Variants in HIPK3 observed in about 807,000 individuals in gnomAD.
HIPK3 encodes the protein homeodomain-interacting protein kinase 3.
A neutral mutation model predicts 124.2 loss-of-function variants in HIPK3; 47 were observed. The observed-to-expected ratio is 0.38, with a 90% CI of 0.30 to 0.48. HIPK3 has a LOEUF of 0.48. HIPK3 is among the 20% of genes least tolerant of loss of function. The pLI is 0.98. For missense variants in HIPK3, 1,286 were observed against 1,454.3 expected (o/e 0.88, Z 1.88); for synonymous variants, 482 against 515.2 (o/e 0.94, Z 0.87).
intron 1 of HIPK3, among the ~76,000 whole-genome samples, chr11:33,266,246 T>G (rs1327079912): frequency 1.3e-5 from 2 of 151,692 alleles, no homozygotes; most frequent in African/African-American, 4.8e-5. Flanking sequence ...TGCACCTAAG[T>G]TAGAAAAACA....
Position 33,337,619 on chromosome 11 carries a change from G to A in HIPK3, c.1341+425G>A, listed in dbSNP as rs921928521. Reference sequence around the variant, plus strand: ...GAACTGCCCACCTCCGCCTCCCAACGTGCTAGGATTACAGGCGTGATCCAC... The same window carrying A: ...GAACTGCCCACCTCCGCCTCCCAACATGCTAGGATTACAGGCGTGATCCAC... On this transcript the variant is annotated intron_variant, in intron 4 of 16. Transcript: ENST00000303296. Among the ~76,000 whole-genome samples, 9 of 151,104 alleles carry A rather than the reference G, an allele frequency of 6.0e-5. 1 individual carries two copies. The highest frequency in any genetic ancestry group is 1.0e-4 in the Non-Finnish European group (7 of 67,846).
At position 33,287,318 on chromosome 11, in the gene HIPK3, A is replaced by T; in HGVS notation, c.904A>T (p.Ile302Phe). 6.2e-7 allele frequency: 1 copy of T among 1,614,192 alleles called. No individual in the cohort carries two copies. Among genetic ancestry groups the T allele is most frequent in the Non-Finnish European group, 8.5e-7 (1 of 1,180,020 alleles). ...SPLPLKVIRP[I>F]LQQVATALKK... Reference sequence around the variant, plus strand: ...CCTGCCACTAAAAGTGATTCGGCCCATTCTTCAACAAGTGGCCACTGCACT... The same window carrying T: ...CCTGCCACTAAAAGTGATTCGGCCCTTTCTTCAACAAGTGGCCACTGCACT... The change falls in exon 2 of 17, where the codon ATT becomes TTT. Residue 302 changes from isoleucine to phenylalanine, a missense_variant. Coordinates refer to ENST00000303296, the MANE Select transcript of HIPK3 (RefSeq NM_005734.5).
intron 2 of HIPK3, among the ~76,000 whole-genome samples, chr11:33,312,967 A>T (rs566084189): frequency 6.6e-6 from 1 of 152,228 alleles, no homozygotes; most frequent in Admixed American, 6.5e-5. Context: ...TTAGTTCTCT[A>T]TTACTCCAAA....
At chr11:33,339,788 A>G (rs1190657468) in intron 6 of HIPK3, among the ~76,000 whole-genome samples, 2 of 152,336 alleles carry the variant, frequency 1.3e-5, no homozygotes, top group South Asian at 4.1e-4. Flanking sequence ...TTTATTATAC[A>G]TGACTTTCTT....
At chr11:33,312,404 TA>T (rs1388602054) in intron 2 of HIPK3, among the ~76,000 whole-genome samples, 1 of 152,214 alleles carries the variant, frequency 6.6e-6, no homozygotes. Context: ...AGAAGTTGAT[TA>T]ATTTTGTTGG....
intron 1 of HIPK3, among the ~76,000 whole-genome samples, chr11:33,265,772 CAAAAAAAAAA>C (rs55837408): frequency 9.3e-5 from 6 of 64,774 alleles, no homozygotes; most frequent in Admixed American, 4.2e-4. Flanking sequence ...GACCTTGTCT[CAAAAAAAAAA>C]AAAAAAAAAA....
chr11:33,297,727 T>G (rs1169424760), intron 2 of HIPK3, among the ~76,000 whole-genome samples: 1 of 151,902 alleles, frequency 6.6e-6, no homozygotes, highest in Non-Finnish European at 1.5e-5. Context: ...ATCTAGGACT[T>G]TCATAGCTAG....
intron 1 of HIPK3, among the ~76,000 whole-genome samples, chr11:33,278,625 A>C (rs1314728030): frequency 2.0e-5 from 3 of 152,146 alleles, no homozygotes; most frequent in Non-Finnish European, 2.9e-5. Flanking sequence ...TTTAAGATAC[A>C]CGAGGTCAGG....
At chr11:33,324,782 T>C (rs542778675) in intron 2 of HIPK3, among the ~76,000 whole-genome samples, 1 of 152,340 alleles carries the variant, frequency 6.6e-6, no homozygotes, top group East Asian at 1.9e-4. Context: ...ATAACTGCAC[T>C]GCTGTGGGAG....
At chr11:33,311,636 G>A (rs966552239) in intron 2 of HIPK3, among the ~76,000 whole-genome samples, 2 of 152,086 alleles carry the variant, frequency 1.3e-5, no homozygotes, top group Non-Finnish European at 2.9e-5. Context: ...ACATTTGTTA[G>A]GATTGATAAA....
At position 33,354,639 on chromosome 11, in the gene HIPK3, A is replaced by G. The variant is rs1853766825; in HGVS notation, c.*1071A>G. The G allele has an allele frequency of 6.6e-6, 1 of 151,702 alleles. No individual in the cohort carries two copies. Among genetic ancestry groups the G allele is most frequent in the South Asian group, 2.1e-4 (1 of 4,812 alleles). 9.4% of individuals were successfully genotyped at this position (151,702 alleles called of 1,614,324 possible). On this transcript the variant is annotated 3_prime_UTR_variant, in exon 17 of 17. Coordinates refer to ENST00000303296, the MANE Select transcript of HIPK3 (RefSeq NM_005734.5). ...AATAAATAGTAGCAGAACTTTTACTATTGAAGCTTGAAAAGATGTGAGTTC... is the reference window on the plus strand; with the variant it reads ...AATAAATAGTAGCAGAACTTTTACTGTTGAAGCTTGAAAAGATGTGAGTTC...
At chr11:33,315,154 G>C (rs1357210536) in intron 2 of HIPK3, among the ~76,000 whole-genome samples, 1 of 152,112 alleles carries the variant, frequency 6.6e-6, no homozygotes, top group Non-Finnish European at 1.5e-5. Flanking sequence ...GATACTTTTT[G>C]TGTTACCCTA....
At chr11:33,275,045 A>AT (rs1188255598) in intron 1 of HIPK3, among the ~76,000 whole-genome samples, 285 of 147,130 alleles carry the variant, frequency 1.9e-3, no homozygotes, top group African/African-American at 5.7e-3. Flanking sequence ...GGTAGACACA[A>AT]TTTTTTTTTT....
At position 33,257,861 on chromosome 11, in the gene HIPK3, A is replaced by T; in HGVS notation, c.-31A>T. The T allele has an allele frequency of 3.0e-6, 3 of 985,416 alleles. No homozygotes were observed. Among genetic ancestry groups the T allele is most frequent in the Non-Finnish European group, 3.6e-6 (3 of 830,034 alleles). The allele number at this position is 985,416 out of a possible 1,614,324, so 61.0% of individuals were successfully genotyped here. A position where few individuals can be genotyped will look rare whatever the true frequency, so the allele number is the denominator to read the frequency against. On this transcript the variant is annotated 5_prime_UTR_variant, in exon 1 of 17. Coordinates refer to ENST00000303296, the MANE Select transcript of HIPK3 (RefSeq NM_005734.5). ...ACATGCTCAGGGCTGCGGCCGCCCG[A>T]AGAGGAGAGAGCGCGGGCCTCTAGG...
At chr11:33,263,149 C>T (rs901324295) in intron 1 of HIPK3, among the ~76,000 whole-genome samples, 2 of 150,898 alleles carry the variant, frequency 1.3e-5, no homozygotes, top group African/African-American at 4.9e-5. Flanking sequence ...GGATCACAGG[C>T]ATGAGCCACT....
At position 33,314,212 on chromosome 11, in the gene HIPK3, G is replaced by A. The variant is rs369532671; in HGVS notation, c.1098-14298G>A. Among the ~76,000 whole-genome samples the A allele has an allele frequency of 3.7e-4, 56 of 152,312 alleles. No individual in the cohort carries two copies. In the East Asian group the frequency reaches 7.3e-3, roughly 20 times the overall value. The stretch of plus-strand genomic sequence containing the variant: ...ACTGTCACTCAGACTGCATAGGTTT[G>A]TATAAGCCCCACCTTTCACTAACTG... On this transcript the variant is annotated intron_variant, in intron 2 of 16. Coordinates refer to ENST00000303296, the MANE Select transcript of HIPK3 (RefSeq NM_005734.5).
At chr11:33,323,471 G>A (rs951022330) in intron 2 of HIPK3, among the ~76,000 whole-genome samples, 1 of 152,132 alleles carries the variant, frequency 6.6e-6, no homozygotes, top group Non-Finnish European at 1.5e-5. Context: ...TTGAACTCCT[G>A]ACCTCAAGTG....
intron 1 of HIPK3, among the ~76,000 whole-genome samples, chr11:33,264,480 C>G (rs200348427): frequency 6.4e-5 from 5 of 78,472 alleles, no homozygotes; most frequent in African/African-American, 1.6e-4. Context: ...GGAAAAAAAA[C>G]AGTTTAGATT....
rs1439144045 is a variant in HIPK3, at chr11:33,348,807, T to G, written c.2655T>G (p.His885Gln). The G allele has an allele frequency of 1.2e-6, 2 of 1,613,078 alleles. No individual in the cohort carries two copies. Among genetic ancestry groups the G allele is most frequent in the South Asian group, 2.2e-5 (2 of 91,040 alleles). ...ATGAGGAAGAGACTTCCCAGAGACA[T>G]TCACTCAGAGAGTAAGTGCCAAACG... ...DTDEEETSQRHSLRECKGSLD... is the reference protein window; with the variant it reads ...DTDEEETSQRQSLRECKGSLD... The change falls in exon 13 of 17, where the codon CAT becomes CAG. Residue 885 changes from histidine (H) to glutamine (Q), a missense_variant. Physicochemically the swap from His to Gln is conservative, Grantham distance 24. Transcript: ENST00000303296.
Sources: allele counts gnomAD v4.1 joint callset (sites outside exome capture counted in the v4.1 genomes callset), GRCh38; gene constraint gnomAD v4.1.1; transcripts MANE v1.5; gene names NCBI Gene and HGNC (gene_info 2026-07-23, HGNC 2026-07-21).